PFDN1: variants seen among roughly 807,000 people sequenced by gnomAD.
PFDN1 encodes the protein prefoldin subunit 1.
PFDN1 carries 6 observed loss-of-function variants against 17.3 expected under a neutral mutation model. The ratio of observed to expected loss-of-function variants is 0.35; its 90% CI spans 0.19 to 0.69. The LOEUF is 0.69. Among genes scored for constraint, PFDN1 ranks in the 30% least tolerant of loss-of-function variants. The probability of loss-of-function intolerance (pLI) is 0.65; values close to 1 mark genes in which losing one functional copy is unlikely to be tolerated. For synonymous variants in PFDN1, 58 were observed against 50.1 expected (o/e 1.16, Z -0.67); for missense variants, 113 against 146.2 (o/e 0.77, Z 1.17).
intron 2 of PFDN1, among the ~76,000 whole-genome samples, chr5:140,298,564 C>A (rs1200343636): frequency 2.0e-5 from 3 of 151,356 alleles, no homozygotes; most frequent in Non-Finnish European, 4.4e-5. Flanking sequence ...TTTTTTTCTG[C>A]TTACAGAATA....
chr5:140,279,682 A>G (rs1010552960), intron 3 of PFDN1, among the ~76,000 whole-genome samples: 2 of 152,150 alleles, frequency 1.3e-5, no homozygotes, highest in East Asian at 1.9e-4. Flanking sequence ...TATACTTGTT[A>G]TAATTTATTA....
intron 3 of PFDN1, among the ~76,000 whole-genome samples, chr5:140,280,017 A>AAAAAAAAAAAAAAAG (rs1561509725): frequency 1.4e-5 from 2 of 145,626 alleles, no homozygotes; most frequent in African/African-American, 5.1e-5. Flanking sequence ...AAAAAAACAA[A>AAAAAAAAAAAAAAAG]AAAAGAAAAG....
At chr5:140,279,995 C>CAAAAAAAAAAAAAAA (rs772575762) in intron 3 of PFDN1, among the ~76,000 whole-genome samples, 58 of 31,118 alleles carry the variant, frequency 1.9e-3, no homozygotes, top group Middle Eastern at 0.024. Context: ...AACTCCGTCT[C>CAAAAAAAAAAAAAAA]AAAAAAAAAA....
chr5:140,281,892 G>C (rs945511936), intron 2 of PFDN1: 5 of 176,112 alleles, frequency 2.8e-5, no homozygotes, highest in Non-Finnish European at 4.7e-5. Context: ...AAAGCGGGGG[G>C]GTTGCGGGAG....
chr5:140,256,578 C>T (rs1440319635), intron 3 of PFDN1, among the ~76,000 whole-genome samples: 1 of 150,548 alleles, frequency 6.6e-6, no homozygotes, highest in African/African-American at 2.5e-5. Context: ...TATGGTCACC[C>T]CCACCCCTAC....
At chr5:140,279,491 T>C (rs1049007399) in intron 3 of PFDN1, among the ~76,000 whole-genome samples, 1 of 151,846 alleles carries the variant, frequency 6.6e-6, no homozygotes, top group African/African-American at 2.4e-5. Context: ...ACCTTGATAA[T>C]TGGGGTTTTT....
chr5:140,289,573 A>G (rs1198303311), intron 2 of PFDN1, among the ~76,000 whole-genome samples: 1 of 152,152 alleles, frequency 6.6e-6, no homozygotes, highest in Non-Finnish European at 1.5e-5. Context: ...GCTCTCTGCT[A>G]AACAATCTCT....
chr5:140,257,639 T>C (rs1765006938), intron 3 of PFDN1, among the ~76,000 whole-genome samples: 1 of 152,234 alleles, frequency 6.6e-6, no homozygotes, highest in South Asian at 2.1e-4. Flanking sequence ...TATCTCAGTG[T>C]AAGCTCCAAA....
chr5:140,274,241 T>C (rs1021471488), intron 3 of PFDN1, among the ~76,000 whole-genome samples: 8 of 152,224 alleles, frequency 5.3e-5, no homozygotes, highest in African/African-American at 1.9e-4. Context: ...AAAAAAGACT[T>C]CTACTTTCTC....
intron 2 of PFDN1, chr5:140,293,158 C>G (rs1396893461): frequency 1.3e-5 from 2 of 152,048 alleles, no homozygotes; most frequent in Non-Finnish European, 2.9e-5. Flanking sequence ...AAGACTGCTG[C>G]TACCTTAATA....
chr5:140,300,528 C>T lies in PFDN1; in HGVS notation c.88G>A (p.Ala30Thr), dbSNP rs749919941. ...TTTAGCTGTTCAATCTGTATGTCTGCGAGCTTCACCTTCTGTTGAGTGTCA... is the reference window on the plus strand; with the variant it reads ...TTTAGCTGTTCAATCTGTATGTCTGTGAGCTTCACCTTCTGTTGAGTGTCA... Reference protein sequence around the residue: ...VIDTQQKVKLADIQIEQLNRT... With the variant: ...VIDTQQKVKLTDIQIEQLNRT... Residue 30 changes from alanine (A) to threonine (T), a missense_variant, in exon 2 of 4, where the codon GCA becomes ACA. Ala to Thr is a moderately conservative substitution (Grantham distance 58). Transcript: ENST00000261813. 9 of 1,612,718 alleles carry T rather than the reference C, an allele frequency of 5.6e-6. No individual in the cohort carries two copies. In the Admixed American group the frequency reaches 6.7e-5, roughly 12 times the overall value.
chr5:140,264,883 G>C (rs892247413), intron 3 of PFDN1, among the ~76,000 whole-genome samples: 1 of 152,018 alleles, frequency 6.6e-6, no homozygotes, highest in African/African-American at 2.4e-5. Flanking sequence ...TTTTAAAGAG[G>C]GTAGCAATGT....
rs1039335571 is a variant in PFDN1 at position 140,254,444 on chromosome 5, A to C, written c.286-8387T>G. Among the ~76,000 whole-genome samples the C allele has an allele frequency of 6.6e-6, 1 of 152,024 alleles. No individual in the cohort carries two copies. The highest frequency in any genetic ancestry group is 1.5e-5 in the Non-Finnish European group (1 of 68,004). On this transcript the variant is annotated intron_variant, in intron 3 of 3. Transcript: ENST00000261813. This position sits in a 1 kb window ranked among gnomAD's most constrained non-coding sequence, Gnocchi z 4.4. ...CCTGGTCCTTGAAGTTCATGGCATC[A>C]TGCTTAGCCACCGGACTCCCCCCTC... is the stretch of plus-strand genomic sequence containing the variant.
At chr5:140,274,166 T>C (rs1271577249) in intron 3 of PFDN1, among the ~76,000 whole-genome samples, 2 of 152,222 alleles carry the variant, frequency 1.3e-5, no homozygotes, top group Non-Finnish European at 2.9e-5. Flanking sequence ...AATTTCCCAC[T>C]CTTTAGAAGA....
intron 2 of PFDN1, among the ~76,000 whole-genome samples, chr5:140,287,740 CAAT>C (rs1323498570): frequency 6.6e-6 from 1 of 150,994 alleles, no homozygotes; most frequent in Non-Finnish European, 1.5e-5. Flanking sequence ...TAAAATTCAA[CAAT>C]AAGAAAACAA....
At chr5:140,297,861 G>A (rs1446098871) in intron 2 of PFDN1, among the ~76,000 whole-genome samples, 1 of 152,080 alleles carries the variant, frequency 6.6e-6, no homozygotes, top group Admixed American at 6.5e-5. Context: ...GGAGTAAAAC[G>A]TTTTTTCTAT....
intron 3 of PFDN1, among the ~76,000 whole-genome samples, chr5:140,247,182 G>A (rs1176304321): frequency 6.6e-6 from 1 of 151,956 alleles, no homozygotes; most frequent in Non-Finnish European, 1.5e-5. Context: ...AGCTCAGAGT[G>A]CAATGGTGCA....
chr5:140,291,852 G>A (rs1425432660), intron 2 of PFDN1, among the ~76,000 whole-genome samples: 1 of 152,130 alleles, frequency 6.6e-6, no homozygotes, highest in Non-Finnish European at 1.5e-5. Context: ...AAGGTCAACA[G>A]GACCAAATGG....
At chr5:140,252,425 A>G (rs547146405) in intron 3 of PFDN1, among the ~76,000 whole-genome samples, 1 of 152,172 alleles carries the variant, frequency 6.6e-6, no homozygotes, top group Admixed American at 6.5e-5. Flanking sequence ...TCTGACCCTG[A>G]GTGTGACCTG....
Sources: gnomAD v4.1 joint callset for allele counts (sites outside exome capture counted in the v4.1 genomes callset) on GRCh38, gnomAD v4.1.1 for gene constraint, Gnocchi (gnomAD v3.1) non-coding constraint, MANE v1.5 for transcripts, NCBI Gene and HGNC (gene_info 2026-07-23, HGNC 2026-07-21) for gene names.